SUSD1: variants seen among roughly 807,000 people sequenced by gnomAD.
SUSD1 encodes sushi domain containing 1.
A neutral mutation model predicts 86.9 loss-of-function variants in SUSD1; 65 were observed. That is an observed-to-expected ratio of 0.75 (90% CI 0.61 to 0.92). The LOEUF is 0.92. Among genes scored for constraint, SUSD1 ranks in the 40% least tolerant of loss-of-function variants. SUSD1 has a pLI of 0.00. For synonymous variants in SUSD1, 346 were observed against 350.0 expected, an observed-to-expected ratio of 0.99 and a Z score of 0.13; for missense variants, 850 against 929.7, an observed-to-expected ratio of 0.91 and a Z score of 1.11.
chr9:112,115,532 T>C (rs930543594), intron 6 of SUSD1, among the ~76,000 whole-genome samples: 6 of 151,864 alleles, frequency 4.0e-5, no homozygotes, highest in Admixed American at 2.0e-4. Flanking sequence ...GCCAAGTGGG[T>C]GCGGTGGCTC....
intron 1 of SUSD1, among the ~76,000 whole-genome samples, chr9:112,170,779 G>A (rs1380657430): frequency 2.7e-5 from 4 of 149,154 alleles, no homozygotes; most frequent in South Asian, 4.3e-4. Context: ...GCATGATCTC[G>A]GCTCACTGCA....
At chr9:112,083,915 C>G (rs1204065317) in intron 10 of SUSD1, among the ~76,000 whole-genome samples, 1 of 152,158 alleles carries the variant, frequency 6.6e-6, no homozygotes, top group East Asian at 1.9e-4. Context: ...TATTATAACA[C>G]TATGTCTCAA....
chr9:112,042,127 G>A lies in SUSD1; in HGVS notation c.2150-167C>T, dbSNP rs888709967. On this transcript the variant is annotated intron_variant, in intron 15 of 16. Transcript: ENST00000374270. ...TGTGTGTCCCCTGAGTTGGCCCTGTGGATATGCAGCCTCAGGAAATTACAG... is the reference window on the plus strand; with the variant it reads ...TGTGTGTCCCCTGAGTTGGCCCTGTAGATATGCAGCCTCAGGAAATTACAG... The A allele has an allele frequency of 2.6e-6, 4 of 1,540,096 alleles. No individual in the cohort carries two copies. In the African/African-American group the frequency reaches 5.5e-5, roughly 21 times the overall value.
intron 8 of SUSD1, among the ~76,000 whole-genome samples, chr9:112,107,003 A>C (rs1393062859): frequency 6.6e-6 from 1 of 151,966 alleles, no homozygotes; most frequent in Admixed American, 6.6e-5. Flanking sequence ...AGTGGCTCAC[A>C]CCTGTAATCC....
chr9:112,118,370 C>T (rs1350566628), intron 6 of SUSD1, among the ~76,000 whole-genome samples: 1 of 152,208 alleles, frequency 6.6e-6, no homozygotes, highest in Non-Finnish European at 1.5e-5. Flanking sequence ...TCATGTGTTT[C>T]CTTTCTTTCT....
intron 10 of SUSD1, among the ~76,000 whole-genome samples, chr9:112,091,253 C>G (rs912424578): frequency 2.6e-5 from 4 of 152,110 alleles, no homozygotes; most frequent in Non-Finnish European, 4.4e-5. Context: ...ATTTATCACT[C>G]TGTGGAAAAA....
intron 2 of SUSD1, among the ~76,000 whole-genome samples, chr9:112,151,412 C>T (rs1833038918): frequency 6.6e-6 from 1 of 151,516 alleles, no homozygotes; most frequent in South Asian, 2.1e-4. Flanking sequence ...GCCTGGCCAA[C>T]ATGGTGAAAC....
At chr9:112,165,798 G>A (rs2091033927) in intron 1 of SUSD1, among the ~76,000 whole-genome samples, 1 of 143,570 alleles carries the variant, frequency 7.0e-6, no homozygotes, top group Non-Finnish European at 1.5e-5. Flanking sequence ...AAAGGAAAGA[G>A]AGAAAGAGAG....
chr9:112,111,760 G>C lies in SUSD1; in HGVS notation c.1065C>G (p.Thr355=), dbSNP rs1461461213. 1 of 1,614,078 alleles carries C rather than the reference G, an allele frequency of 6.2e-7. No individual in the cohort carries two copies. Residue 355 remains threonine, a synonymous_variant, in exon 8 of 17, where the codon ACC becomes ACG. Transcript: ENST00000374270. ...ETVNLTTDSR[T]PEVCLALYPG... ...GGTACAGGGCTAGGCACACTTCTGG[G>C]GTCCTGCTGTCTGTGGTCAAGTTGA...
At chr9:112,063,974 A>C (rs1313690732) in intron 12 of SUSD1, among the ~76,000 whole-genome samples, 4 of 143,590 alleles carry the variant, frequency 2.8e-5, no homozygotes, top group Non-Finnish European at 6.0e-5. Flanking sequence ...CCTTCTATCC[A>C]TCCCTGTGAT....
At chr9:112,068,865 G>C (rs1829116925) in intron 12 of SUSD1, among the ~76,000 whole-genome samples, 1 of 152,188 alleles carries the variant, frequency 6.6e-6, no homozygotes, top group Non-Finnish European at 1.5e-5. Context: ...GAATGGAGAA[G>C]AGGGAACAAA....
rs1020161874 is a variant in SUSD1 at position 112,147,498 on chromosome 9, C to A, written c.373+1746G>T. ...TGCCACTGCACTCCAGCCTGGGTCA[C>A]AGTGGCTCACGCCTGTAATCCTAGC... On this transcript the variant is annotated intron_variant, in intron 3 of 16. Coordinates refer to ENST00000374270, the MANE Select transcript of SUSD1 (RefSeq NM_022486.5). Among the ~76,000 whole-genome samples, 3 of 151,332 alleles carry A rather than the reference C, an allele frequency of 2.0e-5. No homozygotes were observed. In the East Asian group the frequency reaches 5.9e-4, roughly 30 times the overall value.
At chr9:112,052,526 T>C in intron 14 of SUSD1, 88 bp from the exon 15 acceptor site, 1 of 1,452,110 alleles carries the variant, frequency 6.9e-7, no homozygotes, top group Non-Finnish European at 9.6e-7. Flanking sequence ...CCTCTGAGTT[T>C]CAGCTTTTTC....
In SUSD1 at chr9:112,140,009, T is replaced by G. The variant is rs573114938; in HGVS notation, c.706+2311A>C. Among the ~76,000 whole-genome samples, 135 of 152,126 alleles carry G rather than the reference T, an allele frequency of 8.9e-4. 1 individual carries two copies. The highest frequency in any genetic ancestry group is 2.9e-3 in the African/African-American group (122 of 41,518). ...GGGAGGCAGAGACAGGCAGATCACT[T>G]GAACCCAGGAGTTCAAGACCAGCCT... On this transcript the variant is annotated intron_variant, in intron 5 of 16. Coordinates refer to ENST00000374270, the MANE Select transcript of SUSD1 (RefSeq NM_022486.5).
In SUSD1 at chr9:112,083,725, G is replaced by C. The variant is rs534623569; in HGVS notation, c.1475-3560C>G. On this transcript the variant is annotated intron_variant, in intron 10 of 16. Transcript: ENST00000374270. ...ATCACTTCTCAATTAAGAGTTGTTG[G>C]TGTCTATATTTTTCCACATAATAAC... Among the ~76,000 whole-genome samples, 210 of 152,236 alleles carry C rather than the reference G, an allele frequency of 1.4e-3. 1 individual carries two copies. Among genetic ancestry groups the C allele is most frequent in the African/African-American group, 4.7e-3 (195 of 41,526 alleles).
At chr9:112,108,849 A>G (rs1008913054) in intron 8 of SUSD1, among the ~76,000 whole-genome samples, 1 of 151,602 alleles carries the variant, frequency 6.6e-6, no homozygotes, top group African/African-American at 2.4e-5. Flanking sequence ...TGGAGAAGGA[A>G]AAATAAAAAC....
chr9:112,167,973 C>T (rs987993956), intron 1 of SUSD1, among the ~76,000 whole-genome samples: 2 of 152,160 alleles, frequency 1.3e-5, no homozygotes, highest in African/African-American at 2.4e-5. Flanking sequence ...TCTTGTGAGA[C>T]TTATTCACTA....
intron 13 of SUSD1, among the ~76,000 whole-genome samples, chr9:112,060,619 T>C (rs1244580966): frequency 1.3e-5 from 2 of 152,190 alleles, no homozygotes; most frequent in East Asian, 3.8e-4. Context: ...TTTCATAAAG[T>C]CTTGGCTCAC....
At chr9:112,157,825 T>TTC (rs1491546751) in intron 1 of SUSD1, among the ~76,000 whole-genome samples, 1 of 37,942 alleles carries the variant, frequency 2.6e-5, no homozygotes, top group African/African-American at 2.0e-4. Context: ...TCTTTCTTTC[T>TTC]TTTTTTTTTT....
Sources: gnomAD v4.1 joint callset for allele counts (sites outside exome capture counted in the v4.1 genomes callset) on GRCh38, gnomAD v4.1.1 for gene constraint, MANE v1.5 for transcripts, NCBI Gene and HGNC (gene_info 2026-07-23, HGNC 2026-07-21) for gene names.